The following KCNIP4 variants were observed in gnomAD, a reference collection of about 807,000 sequenced individuals.
KCNIP4 encodes the protein Kv channel-interacting protein 4.
KCNIP4 carries 12 observed loss-of-function variants against 34.0 expected under a neutral mutation model. That is an observed-to-expected ratio of 0.35 (90% CI 0.23 to 0.57). The LOEUF (loss-of-function observed/expected upper bound fraction) is 0.57, where lower values mean the gene tolerates loss of function less well. KCNIP4 is among the 20% of genes least tolerant of loss of function. KCNIP4 has a pLI of 0.83. For missense variants in KCNIP4, 238 were observed against 311.7 expected, an observed-to-expected ratio of 0.76 and a Z score of 1.78; for synonymous variants, 124 against 102.2, an observed-to-expected ratio of 1.21 and a Z score of -1.29.
intron 1 of KCNIP4, among the ~76,000 whole-genome samples, chr4:21,752,800 T>C (rs908704320): frequency 1.3e-5 from 2 of 152,188 alleles, no homozygotes; most frequent in Non-Finnish European, 2.9e-5. Flanking sequence ...CCATTCTCTT[T>C]TGTGCAAGCA....
intron 1 of KCNIP4, among the ~76,000 whole-genome samples, chr4:21,334,672 C>G (rs887582958): frequency 2.0e-5 from 3 of 151,954 alleles, no homozygotes; most frequent in African/African-American, 7.2e-5. Flanking sequence ...CAGTAACAGC[C>G]GTTCACACCC....
intron 1 of KCNIP4, among the ~76,000 whole-genome samples, chr4:21,144,598 T>C (rs543398163): frequency 2.2e-4 from 33 of 152,186 alleles, no homozygotes; most frequent in Non-Finnish European, 3.5e-4. Flanking sequence ...GAATTTGGCA[T>C]ACTGGAATAT....
chr4:20,952,607 T>C (rs1732892139), intron 1 of KCNIP4, among the ~76,000 whole-genome samples: 1 of 152,212 alleles, frequency 6.6e-6, no homozygotes, highest in Admixed American at 6.5e-5. Flanking sequence ...TTTATATTAA[T>C]AGAAAGCATA....
chr4:21,406,457 C>T (rs997915935), intron 1 of KCNIP4, among the ~76,000 whole-genome samples: 7 of 152,216 alleles, frequency 4.6e-5, no homozygotes, highest in South Asian at 2.1e-4. Flanking sequence ...CCATCACCCA[C>T]GGGCAAAAAG....
chr4:21,061,876 AAGG>A (rs1318697881), intron 1 of KCNIP4, among the ~76,000 whole-genome samples: 1 of 152,156 alleles, frequency 6.6e-6, no homozygotes, highest in Non-Finnish European at 1.5e-5. Context: ...CTAATAAGAA[AAGG>A]AGATTAGAAC....
intron 1 of KCNIP4, among the ~76,000 whole-genome samples, chr4:21,251,188 A>C (rs1760671379): frequency 1.3e-5 from 2 of 152,208 alleles, no homozygotes; most frequent in Admixed American, 1.3e-4. Flanking sequence ...GAAATAGATT[A>C]AATAAAAGCT....
chr4:21,722,569 A>G (rs1315977773), intron 1 of KCNIP4, among the ~76,000 whole-genome samples: 1 of 152,146 alleles, frequency 6.6e-6, no homozygotes. Flanking sequence ...CAGTTAGGAT[A>G]TGCAGATTTA....
intron 1 of KCNIP4, among the ~76,000 whole-genome samples, chr4:21,103,389 T>A (rs1399017705): frequency 6.8e-6 from 1 of 147,180 alleles, no homozygotes; most frequent in Non-Finnish European, 1.5e-5. Flanking sequence ...ATTTTATATA[T>A]ATATCTCCAA....
chr4:21,102,606 A>G (rs566152608), intron 1 of KCNIP4, among the ~76,000 whole-genome samples: 2 of 152,292 alleles, frequency 1.3e-5, no homozygotes, highest in Non-Finnish European at 2.9e-5. Flanking sequence ...TCAATAATGA[A>G]TCAATTTATT....
chr4:20,963,799 G>A (rs937800952), intron 1 of KCNIP4, among the ~76,000 whole-genome samples: 1 of 152,032 alleles, frequency 6.6e-6, no homozygotes, highest in Non-Finnish European at 1.5e-5. Context: ...AATATTAGAC[G>A]AGAATGAGCA....
chr4:21,817,332 C>T (rs1380512405), intron 1 of KCNIP4, among the ~76,000 whole-genome samples: 1 of 152,156 alleles, frequency 6.6e-6, no homozygotes, highest in Non-Finnish European at 1.5e-5. Context: ...CTGTTATCTT[C>T]ACAAGCTGAG....
intron 1 of KCNIP4, among the ~76,000 whole-genome samples, chr4:20,906,077 C>G (rs918873898): frequency 3.3e-5 from 5 of 150,172 alleles, no homozygotes; most frequent in Non-Finnish European, 1.5e-5. Flanking sequence ...CCCTTCCCTC[C>G]TTTCTTCCTT....
chr4:20,808,849 C>T (rs933184495), intron 3 of KCNIP4, among the ~76,000 whole-genome samples: 1 of 152,184 alleles, frequency 6.6e-6, no homozygotes, highest in Non-Finnish European at 1.5e-5. Context: ...CCATCTCCAC[C>T]TCATCATGCA....
intron 1 of KCNIP4, among the ~76,000 whole-genome samples, chr4:21,343,408 A>T (rs1383285364): frequency 1.3e-5 from 2 of 152,118 alleles, no homozygotes; most frequent in African/African-American, 2.4e-5. Context: ...AAATCTATGT[A>T]CTATGTCAAC....
chr4:21,432,875 T>G (rs892292110), intron 1 of KCNIP4, among the ~76,000 whole-genome samples: 2 of 152,152 alleles, frequency 1.3e-5, no homozygotes, highest in Admixed American at 6.5e-5. Context: ...GGCTGATTTT[T>G]TTTTTAGTAG....
At chr4:21,170,509 A>G (rs1222875877) in intron 1 of KCNIP4, among the ~76,000 whole-genome samples, 34 of 152,184 alleles carry the variant, frequency 2.2e-4, no homozygotes, top group Non-Finnish European at 8.8e-5. Flanking sequence ...AATTTTAACC[A>G]TGATCCCTGC....
At chr4:20,748,102 C>G (rs1022093818) in intron 5 of KCNIP4, among the ~76,000 whole-genome samples, 4 of 152,086 alleles carry the variant, frequency 2.6e-5, no homozygotes, top group African/African-American at 9.7e-5. Context: ...GAATATAGCT[C>G]TGATAAATTC....
At chr4:20,858,011 C>T (rs1219311746) in intron 2 of KCNIP4, among the ~76,000 whole-genome samples, 1 of 151,752 alleles carries the variant, frequency 6.6e-6, no homozygotes, top group Non-Finnish European at 1.5e-5. Context: ...AATTCGAGAC[C>T]AGCCTGGCCA....
intron 1 of KCNIP4, among the ~76,000 whole-genome samples, chr4:20,886,901 A>C (rs146969874): frequency 3.1e-3 from 466 of 152,316 alleles, no homozygotes; most frequent in African/African-American, 0.01. Context: ...ACTATAAAAA[A>C]ATTACTAGAC....
Sources: allele counts gnomAD v4.1 joint callset (sites outside exome capture counted in the v4.1 genomes callset), GRCh38; gene constraint gnomAD v4.1.1; transcripts MANE v1.5; gene names NCBI Gene and HGNC (gene_info 2026-07-23, HGNC 2026-07-21).